The following GRM5 variants were observed in gnomAD, a reference collection of about 807,000 sequenced individuals.
GRM5 encodes the protein glutamate metabotropic receptor 5, also known as metabotropic glutamate receptor 5.
In GRM5, 19 loss-of-function variants were observed where a neutral mutation model predicts 83.1. The observed-to-expected ratio is 0.23, with a 90% CI of 0.16 to 0.34. The LOEUF (loss-of-function observed/expected upper bound fraction) is 0.34, where lower values mean the gene tolerates loss of function less well. GRM5 is among the 10% of genes least tolerant of loss of function. The pLI is 1.00. For synonymous variants in GRM5, 675 were observed against 633.6 expected, an observed-to-expected ratio of 1.07 and a Z score of -0.98; for missense variants, 1,160 against 1,588.3, an observed-to-expected ratio of 0.73 and a Z score of 4.58.
chr11:89,047,116 C>T lies in GRM5; in HGVS notation c.661+96G>A, dbSNP rs1392436990. ...GTATAACTCGGACAATTCAAAATAT[C>T]CAAAATAATTAGGAATAGTTTACTC... On this transcript the variant is annotated intron_variant, in intron 2 of 9. Transcript: ENST00000305447. This position sits in a 1 kb window ranked among gnomAD's most constrained non-coding sequence, Gnocchi z 5.1. 2.1e-6 allele frequency: 2 copies of T among 953,996 alleles called. No homozygotes were observed. Among genetic ancestry groups the T allele is most frequent in the East Asian group, 4.8e-5 (2 of 41,594 alleles). 59.1% of individuals were successfully genotyped at this position (953,996 alleles called of 1,614,324 possible). A position where few individuals can be genotyped will look rare whatever the true frequency, so the allele number is the denominator to read the frequency against.
At chr11:88,564,917 T>C (rs2131067) in intron 8 of GRM5, among the ~76,000 whole-genome samples, 1 of 152,162 alleles carries the variant, frequency 6.6e-6, no homozygotes, top group Non-Finnish European at 1.5e-5. Context: ...CTGCCGTTTA[T>C]AGTGCTGTCT....
intron 3 of GRM5, among the ~76,000 whole-genome samples, chr11:88,729,465 T>C (rs1227625217): frequency 1.3e-5 from 2 of 152,198 alleles, no homozygotes; most frequent in East Asian, 1.9e-4. Context: ...AAGTAATTTA[T>C]AGATTTAATG....
rs796854617 is a variant in GRM5, at chr11:88,681,565, C to CTTTTTTTTTTTTT, written c.912-28175_912-28163dup. ...ATAAACTCAAGAGGTTGAGTTCTTC[C>CTTTTTTTTTTTTT]TTTTTTTTTTTTTTTTTTTTTTTTG... is the stretch of plus-strand genomic sequence containing the variant. On this transcript the variant is annotated intron_variant, in intron 3 of 9. Transcript: ENST00000305447. Among the ~76,000 whole-genome samples, 17 of 25,414 alleles carry CTTTTTTTTTTTTT rather than the reference C, an allele frequency of 6.7e-4. 3 individuals carry two copies. Among genetic ancestry groups the CTTTTTTTTTTTTT allele is most frequent in the Non-Finnish European group, 8.7e-4 (11 of 12,710 alleles). The allele number at this position is 25,414 out of a possible 152,430, so 16.7% of individuals were successfully genotyped here.
chr11:88,705,309 T>C (rs1363866234), intron 3 of GRM5, among the ~76,000 whole-genome samples: 2 of 151,990 alleles, frequency 1.3e-5, no homozygotes, highest in South Asian at 2.1e-4. Context: ...GTACTCAGGA[T>C]TGGTATTTTG....
chr11:88,751,072 C>CAAAAAAAAAAAAAAAAAAAAAAAAA (rs774458890), intron 3 of GRM5, among the ~76,000 whole-genome samples: 1 of 47,366 alleles, frequency 2.1e-5, no homozygotes, highest in Non-Finnish European at 3.6e-5. Context: ...TAGCAGAAGC[C>CAAAAAAAAAAAAAAAAAAAAAAAAA]AAAAAAAAAA....
At chr11:88,801,136 G>C (rs1171393640) in intron 3 of GRM5, among the ~76,000 whole-genome samples, 1 of 152,050 alleles carries the variant, frequency 6.6e-6, no homozygotes, top group Non-Finnish European at 1.5e-5. Context: ...CACAGATTTA[G>C]GGATTCCATA....
intron 7 of GRM5, 96 bp from the exon 8 acceptor site, chr11:88,568,088 T>G: frequency 2.8e-6 from 2 of 708,360 alleles, no homozygotes; most frequent in Non-Finnish European, 4.7e-6. Context: ...ACCATTTCAG[T>G]TTGTTCCCCA....
Position 88,509,351 on chromosome 11 carries a change from G to A in GRM5, c.2880C>T (p.Gly960=), listed in dbSNP as rs1278746168. 9 of 1,610,348 alleles carry A rather than the reference G, an allele frequency of 5.6e-6. No homozygotes were observed. Among genetic ancestry groups the A allele is most frequent in the Non-Finnish European group, 7.6e-6 (9 of 1,179,210 alleles). ...KPFPKSTESR[G]LGAGAGAGGS... ...CGCCTGCGCCAGCGCCAGCGCCCAGGCCACGGCTCTCCGTGCTCTTGGGGA... is the reference window on the plus strand; with the variant it reads ...CGCCTGCGCCAGCGCCAGCGCCCAGACCACGGCTCTCCGTGCTCTTGGGGA... The change falls in exon 10 of 10, where the codon GGC becomes GGT. Residue 960 remains glycine (G), a synonymous_variant. Coordinates refer to ENST00000305447, the MANE Select transcript of GRM5 (RefSeq NM_001143831.3).
intron 2 of GRM5, among the ~76,000 whole-genome samples, chr11:88,885,196 G>C (rs1945022095): frequency 6.6e-6 from 1 of 151,446 alleles, no homozygotes; most frequent in African/African-American, 2.4e-5. Context: ...ATATATAATT[G>C]TTATGTTTTA....
At chr11:88,887,643 C>A (rs569327666) in intron 2 of GRM5, among the ~76,000 whole-genome samples, 1 of 152,126 alleles carries the variant, frequency 6.6e-6, no homozygotes, top group Non-Finnish European at 1.5e-5. Context: ...AAGGGGAATG[C>A]CCCCACTGTC....
intron 2 of GRM5, among the ~76,000 whole-genome samples, chr11:88,924,893 C>T (rs1945759590): frequency 6.6e-6 from 1 of 151,834 alleles, no homozygotes; most frequent in African/African-American, 2.4e-5. Flanking sequence ...AAGCATTTCA[C>T]TATGTATATG....
Position 88,548,819 on chromosome 11 carries a change from G to A in GRM5, c.2630+18234C>T, listed in dbSNP as rs1206847994. Among the ~76,000 whole-genome samples the A allele has an allele frequency of 9.3e-4, 142 of 152,134 alleles. 1 individual carries two copies. ...TATTGAGTGTTGATTCACATTAAGG[G>A]AGGAGCTAAGACTTCACCAGAGACT... On this transcript the variant is annotated intron_variant, in intron 8 of 9. Coordinates refer to ENST00000305447, the MANE Select transcript of GRM5 (RefSeq NM_001143831.3).
intron 2 of GRM5, among the ~76,000 whole-genome samples, chr11:88,905,259 A>C (rs1166135793): frequency 1.5e-4 from 23 of 152,210 alleles, no homozygotes; most frequent in Admixed American, 1.1e-3. Flanking sequence ...GGGGTCGGAA[A>C]GCAGGAGCCT....
chr11:88,654,086 A>G (rs1939706887), intron 3 of GRM5, among the ~76,000 whole-genome samples: 1 of 152,074 alleles, frequency 6.6e-6, no homozygotes, highest in African/African-American at 2.4e-5. Flanking sequence ...GCCCAAAAGA[A>G]CTTCTGAACA....
chr11:88,561,462 G>T (rs1467161254), intron 8 of GRM5, among the ~76,000 whole-genome samples: 1 of 152,124 alleles, frequency 6.6e-6, no homozygotes, highest in Non-Finnish European at 1.5e-5. Context: ...ATTTAGCCAT[G>T]AAAGGCCCAT....
At chr11:88,575,174 C>A (rs1046901990) in intron 7 of GRM5, among the ~76,000 whole-genome samples, 1 of 151,910 alleles carries the variant, frequency 6.6e-6, no homozygotes, top group African/African-American at 2.4e-5. Context: ...TGGTAACTGC[C>A]TCAACAGGAA....
intron 2 of GRM5, among the ~76,000 whole-genome samples, chr11:88,973,010 T>A (rs1330864457): frequency 6.6e-6 from 1 of 151,982 alleles, no homozygotes. Context: ...GTTAGGACCA[T>A]TAAAGACAAA....
intron 5 of GRM5, among the ~76,000 whole-genome samples, chr11:88,598,454 A>C (rs1402657309): frequency 6.6e-6 from 1 of 151,652 alleles, no homozygotes; most frequent in Non-Finnish European, 1.5e-5. Flanking sequence ...TTTTTTCTTC[A>C]GAATATTACC....
At chr11:88,895,489 A>G (rs1191502529) in intron 2 of GRM5, among the ~76,000 whole-genome samples, 5 of 151,976 alleles carry the variant, frequency 3.3e-5, no homozygotes, top group African/African-American at 4.8e-5. Context: ...ATTGAATAAT[A>G]TAGTAAAAAT....
Sources: allele counts gnomAD v4.1 joint callset (sites outside exome capture counted in the v4.1 genomes callset), GRCh38; gene constraint gnomAD v4.1.1; non-coding constraint Gnocchi (gnomAD v3.1); transcripts MANE v1.5; gene names NCBI Gene and HGNC (gene_info 2026-07-23, HGNC 2026-07-21).